The following SDC3 variants were observed in gnomAD, a reference collection of about 807,000 sequenced individuals.
The protein encoded by SDC3 is syndecan-3.
A neutral mutation model predicts 24.4 loss-of-function variants in SDC3; 13 were observed. The ratio of observed to expected loss-of-function variants is 0.53; its 90% CI spans 0.35 to 0.85. SDC3 has a LOEUF of 0.85. Among genes scored for constraint, SDC3 ranks in the 40% least tolerant of loss-of-function variants. SDC3 has a pLI of 0.01. For synonymous variants in SDC3, 295 were observed against 260.9 expected (o/e 1.13, Z -1.26); for missense variants, 571 against 584.5 (o/e 0.98, Z 0.24).
In SDC3 at chr1:30,908,535, C is replaced by G. The variant is rs1268297244; in HGVS notation, c.52G>C (p.Gly18Arg). 2.5e-5 allele frequency: 23 copies of G among 934,690 alleles called. No individual in the cohort carries two copies. Among genetic ancestry groups the G allele is most frequent in the Non-Finnish European group, 2.7e-5 (21 of 789,860 alleles). 57.9% of individuals were successfully genotyped at this position (934,690 alleles called of 1,614,324 possible). The change falls in exon 1 of 5, where the codon GGG becomes CGG. Residue 18 changes from glycine (G) to arginine (R), a missense_variant. Transcript: ENST00000339394. ...CCGGGCCCGGCCGCGGCCCCGGCCC[C>G]GGCGCCGGCCCCGTGGGCGGCCCCG... ...RAGAAHGAGA[G>R]AGAAAGPGAR...
intron 1 of SDC3, among the ~76,000 whole-genome samples, chr1:30,895,172 CAA>C (rs1639983209): frequency 6.6e-6 from 1 of 152,154 alleles, no homozygotes. Flanking sequence ...CTTTTTCCTA[CAA>C]AGACACCAGG....
chr1:30,888,045 T>C (rs1639855137), intron 1 of SDC3, among the ~76,000 whole-genome samples: 1 of 152,098 alleles, frequency 6.6e-6, no homozygotes, highest in Non-Finnish European at 1.5e-5. Flanking sequence ...TGCAGATCAG[T>C]GGGCTCCCAG....
chr1:30,886,021 T>A (rs1639822613), intron 1 of SDC3, among the ~76,000 whole-genome samples: 2 of 152,168 alleles, frequency 1.3e-5, no homozygotes, highest in Admixed American at 6.5e-5. Context: ...TGCTCATTGA[T>A]GCCTGTCCCC....
intron 1 of SDC3, among the ~76,000 whole-genome samples, chr1:30,887,521 C>G (rs947064420): frequency 2.6e-5 from 4 of 152,162 alleles, no homozygotes; most frequent in African/African-American, 9.7e-5. Context: ...CAAAGCTCAC[C>G]TCCCTGAACC....
chr1:30,883,603 G>A (rs115279245), intron 1 of SDC3, among the ~76,000 whole-genome samples: 5,536 of 152,216 alleles, frequency 0.036, 162 homozygotes, highest in Middle Eastern at 0.058. Context: ...GCACACAGTC[G>A]GAGCCGTATA....
At chr1:30,906,017 C>G (rs948987315) in intron 1 of SDC3, among the ~76,000 whole-genome samples, 3 of 151,872 alleles carry the variant, frequency 2.0e-5, no homozygotes, top group African/African-American at 7.3e-5. Flanking sequence ...CAAGGGTCAT[C>G]ATGTCCCTGC....
At chr1:30,907,774 G>A (rs945304271) in intron 1 of SDC3, among the ~76,000 whole-genome samples, 1 of 152,002 alleles carries the variant, frequency 6.6e-6, no homozygotes, top group Non-Finnish European at 1.5e-5. Flanking sequence ...CACACACAGG[G>A]TTACCCTCAC....
At chr1:30,894,930 A>G (rs909358329) in intron 1 of SDC3, among the ~76,000 whole-genome samples, 9 of 151,940 alleles carry the variant, frequency 5.9e-5, no homozygotes, top group Non-Finnish European at 1.0e-4. Flanking sequence ...GTACCTGTGC[A>G]CATGGCAGTG....
At chr1:30,876,416 C>T (rs887654381) in intron 3 of SDC3, 136 bp downstream of exon 3, 2 of 682,850 alleles carry the variant, frequency 2.9e-6, no homozygotes, top group Non-Finnish European at 4.5e-6. Context: ...TCCCTTGGTC[C>T]TGCCCCTCGC....
intron 1 of SDC3, among the ~76,000 whole-genome samples, chr1:30,892,731 G>A (rs1052199021): frequency 3.9e-5 from 6 of 152,094 alleles, no homozygotes; most frequent in East Asian, 1.9e-4. Flanking sequence ...TGGACTCTGC[G>A]CCAAGTAAGC....
chr1:30,894,618 AGTGTGGGTGAGAGT>A (rs1480298043), intron 1 of SDC3, among the ~76,000 whole-genome samples: 6 of 124,954 alleles, frequency 4.8e-5, no homozygotes, highest in Non-Finnish European at 1.0e-4. Flanking sequence ...GATGAGTGTG[AGTGTGGGTGAGAGT>A]GTGTGGGTGT....
intron 1 of SDC3, among the ~76,000 whole-genome samples, chr1:30,889,719 T>C (rs1312794456): frequency 1.3e-5 from 2 of 152,142 alleles, no homozygotes; most frequent in African/African-American, 4.8e-5. Context: ...GGCGAGGACG[T>C]GGGGAAATCG....
At position 30,883,839 on chromosome 1, in the gene SDC3, G is replaced by A. The variant is rs184908695; in HGVS notation, c.139-5099C>T. Among the ~76,000 whole-genome samples the A allele has an allele frequency of 2.1e-3, 316 of 152,226 alleles. 1 individual carries two copies. The highest frequency in any genetic ancestry group is 6.9e-3 in the African/African-American group (288 of 41,528). On this transcript the variant is annotated intron_variant, in intron 1 of 4. Transcript: ENST00000339394. ...GATTTGCCCAAAGACACACAGCGAC[G>A]TAACTACTAGCTCCTCGAGGCAGGG... is the stretch of plus-strand genomic sequence containing the variant.
At position 30,878,714 on chromosome 1, in the gene SDC3, G is replaced by T; in HGVS notation, c.165C>A (p.Phe55Leu). 1.2e-6 allele frequency: 2 copies of T among 1,614,200 alleles called. No homozygotes were observed. The highest frequency in any genetic ancestry group is 1.7e-6 in the Non-Finnish European group (2 of 1,180,014). The stretch of plus-strand genomic sequence containing the variant: ...AGCCCTCCAGGTCCACGGGTCTCTC[G>T]AAGTTCTCACTGCGCCAGCGCTGGG... ...AGAQRWRSEN[F>L]ERPVDLEGSG... The change falls in exon 2 of 5, where the codon TTC (phenylalanine) becomes TTA (leucine). Residue 55 changes from phenylalanine to leucine, a missense_variant. Phe to Leu is a conservative substitution (Grantham distance 22). This residue lies in a region of SDC3 where 497 missense variants were observed against 471.6 expected (regional missense o/e 1.05). Coordinates refer to ENST00000339394, the MANE Select transcript of SDC3 (RefSeq NM_014654.4).
At chr1:30,876,206 T>C (rs547246593) in intron 3 of SDC3, among the ~76,000 whole-genome samples, 1 of 152,266 alleles carries the variant, frequency 6.6e-6, no homozygotes, top group East Asian at 1.9e-4. Context: ...GTCCCGTGAC[T>C]AGGAAGTGGC....
At chr1:30,879,313 A>G (rs1639702868) in intron 1 of SDC3, among the ~76,000 whole-genome samples, 1 of 152,120 alleles carries the variant, frequency 6.6e-6, no homozygotes, top group Admixed American at 6.5e-5. Flanking sequence ...CCCTCACAAA[A>G]TGCACACACA....
At chr1:30,907,680 T>C (rs1220151940) in intron 1 of SDC3, among the ~76,000 whole-genome samples, 2 of 152,044 alleles carry the variant, frequency 1.3e-5, no homozygotes, top group Non-Finnish European at 1.5e-5. Flanking sequence ...CATCCACCCA[T>C]GTGGCAGACA....
Position 30,876,719 on chromosome 1 carries a change from T to G in SDC3, c.703A>C (p.Thr235Pro). Residue 235 changes from threonine (T) to proline (P), a missense_variant, in exon 3 of 5, where the codon ACG (threonine) becomes CCG (proline). Transcript: ENST00000339394. ...TTPEAPSPPT[T>P]AAVLDTEAPT... ...GCCTCGGTGTCCAAGACAGCCGCCG[T>G]GGTGGGCGGGGAGGGCGCCTCGGGG... 1 of 1,595,638 alleles carries G rather than the reference T, an allele frequency of 6.3e-7. No homozygotes were observed. Among genetic ancestry groups the G allele is most frequent in the Non-Finnish European group, 8.5e-7 (1 of 1,170,384 alleles).
chr1:30,909,452 C>A (rs1373624791), upstream of SDC3, among the ~76,000 whole-genome samples: 1 of 152,196 alleles, frequency 6.6e-6, no homozygotes, highest in Non-Finnish European at 1.5e-5. Flanking sequence ...GAGACTCAGA[C>A]CCCCCATGGT....
Sources: gnomAD v4.1 joint callset for allele counts (sites outside exome capture counted in the v4.1 genomes callset) on GRCh38, gnomAD v4.1.1 for gene constraint, gnomAD v4.1.1 regional missense constraint, MANE v1.5 for transcripts, NCBI Gene and HGNC (gene_info 2026-07-23, HGNC 2026-07-21) for gene names.